The following DNMT3A variants were observed in gnomAD, a reference collection of about 807,000 sequenced individuals.
DNMT3A encodes the protein DNA methyltransferase 3 alpha.
DNMT3A carries 267 observed loss-of-function variants against 117.6 expected under a neutral mutation model. The observed-to-expected ratio is 2.27, with a 90% CI of 2.05 to 2.51. DNMT3A has a LOEUF of 2.51. Among genes scored for constraint, DNMT3A ranks in the 30% most tolerant of loss-of-function variants. The pLI, the probability that DNMT3A is intolerant of heterozygous loss-of-function variation, is 0.00. For missense variants in DNMT3A, 1,029 were observed against 1,260.2 expected, an observed-to-expected ratio of 0.82 and a Z score of 2.78; for synonymous variants, 432 against 474.8, an observed-to-expected ratio of 0.91 and a Z score of 1.17.
intron 16 of DNMT3A, among the ~76,000 whole-genome samples, chr2:25,242,737 G>C (rs529091115): frequency 2.0e-5 from 3 of 152,112 alleles, no homozygotes; most frequent in Non-Finnish European, 2.9e-5. Flanking sequence ...TGGCTGGGGG[G>C]GCAGGGCAGA....
intron 6 of DNMT3A, among the ~76,000 whole-genome samples, chr2:25,263,476 T>C (rs1333231436): frequency 6.6e-6 from 1 of 152,132 alleles, no homozygotes; most frequent in Admixed American, 6.5e-5. Flanking sequence ...GCCACTAGCA[T>C]AGTATCATGT....
chr2:25,260,854 C>T (rs1291742764), intron 6 of DNMT3A, among the ~76,000 whole-genome samples: 1 of 152,166 alleles, frequency 6.6e-6, no homozygotes, highest in East Asian at 1.9e-4. Context: ...CCACAGAGGG[C>T]ATGGTGGCAC....
At chr2:25,255,881 C>T (rs527554324) in intron 6 of DNMT3A, among the ~76,000 whole-genome samples, 44 of 152,236 alleles carry the variant, frequency 2.9e-4, no homozygotes, top group Middle Eastern at 3.4e-3. Context: ...ATCATGATAC[C>T]TCTCCAAAGA....
At chr2:25,275,381 A>C in intron 5 of DNMT3A, 119 bp downstream of exon 5, 5 of 1,408,744 alleles carry the variant, frequency 3.5e-6, no homozygotes, top group Non-Finnish European at 4.8e-6. Context: ...TCTCCTTCCC[A>C]CAGAGGGATG....
At chr2:25,340,001 G>A (rs943888348) in intron 1 of DNMT3A, among the ~76,000 whole-genome samples, 3 of 152,234 alleles carry the variant, frequency 2.0e-5, no homozygotes, top group African/African-American at 4.8e-5. Flanking sequence ...AGGCCCTCAG[G>A]GATGCTGATG....
chr2:25,287,795 T>G (rs1399218105), intron 3 of DNMT3A, among the ~76,000 whole-genome samples: 1 of 150,054 alleles, frequency 6.7e-6, no homozygotes, highest in East Asian at 2.0e-4. Context: ...AACCCTGGGC[T>G]GAGGGTAGGG....
intron 17 of DNMT3A, among the ~76,000 whole-genome samples, chr2:25,240,970 C>T (rs751281603): frequency 6.6e-6 from 1 of 152,174 alleles, no homozygotes; most frequent in Non-Finnish European, 1.5e-5. Context: ...GCAGGCAACA[C>T]AGCCACCCAC....
intron 21 of DNMT3A, among the ~76,000 whole-genome samples, 154 bp from the exon 22 acceptor site, chr2:25,235,979 A>G (rs923861583): frequency 2.0e-5 from 3 of 151,952 alleles, no homozygotes; most frequent in Non-Finnish European, 2.9e-5. Context: ...CAGAGTTCGC[A>G]GGGCAGGAGC....
At chr2:25,340,130 G>A (rs2035358785) in intron 1 of DNMT3A, among the ~76,000 whole-genome samples, 1 of 152,194 alleles carries the variant, frequency 6.6e-6, no homozygotes, top group Admixed American at 6.5e-5. Context: ...CTGGGGCTCG[G>A]CCCTGCCCAC....
At chr2:25,241,452 G>C (rs1674014633) in intron 17 of DNMT3A, 110 bp downstream of exon 17, 25 of 1,406,404 alleles carry the variant, frequency 1.8e-5, no homozygotes, top group East Asian at 2.4e-5. Flanking sequence ...TGGGGCAAAG[G>C]GTGAAGAGAA....
At chr2:25,235,265 A>G (rs902262911) in intron 22 of DNMT3A, among the ~76,000 whole-genome samples, 67 of 150,654 alleles carry the variant, frequency 4.4e-4, no homozygotes, top group African/African-American at 1.5e-3. Context: ...GCTCACTGCA[A>G]CCTCCACCTC....
intron 1 of DNMT3A, among the ~76,000 whole-genome samples, chr2:25,330,604 C>G (rs547330423): frequency 6.6e-6 from 1 of 152,340 alleles, no homozygotes; most frequent in South Asian, 2.1e-4. Flanking sequence ...AGCAGGGCAG[C>G]CTAGCCCATG....
At position 25,240,577 on chromosome 2, in the gene DNMT3A, A is replaced by G. The variant is rs563605350; in HGVS notation, c.2173+63T>C. On this transcript the variant is annotated intron_variant, in intron 18 of 22. Coordinates refer to ENST00000321117, the MANE Select transcript of DNMT3A (RefSeq NM_022552.5). ...TAGCTGTCCCAGGGCAGAAATATCC[A>G]AGGAGGAAGCCTATGTGCGGAAGCA... The G allele has an allele frequency of 8.0e-5, 129 of 1,605,144 alleles. 1 individual carries two copies. Among genetic ancestry groups the G allele is most frequent in the Admixed American group, 1.2e-4 (7 of 59,344 alleles).
At chr2:25,338,302 G>T (rs894922522) in intron 1 of DNMT3A, among the ~76,000 whole-genome samples, 3 of 152,236 alleles carry the variant, frequency 2.0e-5, no homozygotes, top group Non-Finnish European at 2.9e-5. Context: ...CAATTCTAAG[G>T]TTTGGGTTCT....
Position 25,304,083 on chromosome 2 carries a change from C to T in DNMT3A, c.73-3840G>A, listed in dbSNP as rs150309819. ...AGCTGAAGAACAGTAACACAGTTCGCGGGAACAGATTTGAGCCCAGGTTGG... is the reference window on the plus strand; with the variant it reads ...AGCTGAAGAACAGTAACACAGTTCGTGGGAACAGATTTGAGCCCAGGTTGG... On this transcript the variant is annotated intron_variant, in intron 2 of 22. Coordinates refer to ENST00000321117, the MANE Select transcript of DNMT3A (RefSeq NM_022552.5). The surrounding 1 kb of genome is among the most constrained non-coding windows in gnomAD (Gnocchi z 4.3). 5.6e-3 allele frequency among the ~76,000 whole-genome samples: 857 copies of T among 152,234 alleles called. 4 individuals are homozygous for T. Among genetic ancestry groups the T allele is most frequent in the South Asian group, 9.5e-3 (46 of 4,820 alleles).
chr2:25,289,508 C>G (rs113401570), intron 3 of DNMT3A, among the ~76,000 whole-genome samples: 1 of 152,258 alleles, frequency 6.6e-6, no homozygotes, highest in African/African-American at 2.4e-5. Flanking sequence ...TCACAGGGAT[C>G]CTAGGGGAGC....
intron 4 of DNMT3A, among the ~76,000 whole-genome samples, chr2:25,278,443 A>G (rs1221410140): frequency 1.3e-5 from 2 of 152,210 alleles, no homozygotes; most frequent in Non-Finnish European, 2.9e-5. Context: ...TGCTGACCCT[A>G]ATCCGGTCTC....
At chr2:25,262,929 A>G (rs1224019225) in intron 6 of DNMT3A, among the ~76,000 whole-genome samples, 7 of 152,086 alleles carry the variant, frequency 4.6e-5, no homozygotes, top group Non-Finnish European at 1.0e-4. Context: ...TTTTCCTGAA[A>G]TGCCTTCCTC....
chr2:25,321,281 C>T (rs1320509056), intron 1 of DNMT3A, among the ~76,000 whole-genome samples: 1 of 152,204 alleles, frequency 6.6e-6, no homozygotes, highest in Non-Finnish European at 1.5e-5. Context: ...TTTTCAACAT[C>T]TAGAGGCTGC....
Sources: allele counts gnomAD v4.1 joint callset (sites outside exome capture counted in the v4.1 genomes callset), GRCh38; gene constraint gnomAD v4.1.1; non-coding constraint Gnocchi (gnomAD v3.1); transcripts MANE v1.5; gene names NCBI Gene and HGNC (gene_info 2026-07-23, HGNC 2026-07-21).